Variants in LUZP2 observed in about 807,000 individuals in gnomAD.
LUZP2 encodes leucine zipper protein 2.
Under a neutral mutation model 51.6 loss-of-function variants are expected in LUZP2, and 52 were observed. That is an observed-to-expected ratio of 1.01 (90% CI 0.81 to 1.27). The LOEUF (loss-of-function observed/expected upper bound fraction) is 1.27. Ranked by LOEUF, LUZP2 falls within the 50% of genes most tolerant of loss-of-function variation. The pLI is 0.00. For synonymous variants in LUZP2, 154 were observed against 137.3 expected (o/e 1.12, Z -0.85); for missense variants, 436 against 395.4 (o/e 1.10, Z -0.87).
intron 1 of LUZP2, among the ~76,000 whole-genome samples, chr11:24,623,942 TATG>T (rs1854592793): frequency 6.6e-6 from 1 of 152,226 alleles, no homozygotes; most frequent in African/African-American, 2.4e-5. Flanking sequence ...TTTGCCTCTA[TATG>T]ATGATAGAGA....
rs1427184333 is a variant in LUZP2 at position 24,933,441 on chromosome 11, A to C, written c.522+18903A>C. Among the ~76,000 whole-genome samples, 3 of 152,352 alleles carry C rather than the reference A, an allele frequency of 2.0e-5. 1 individual carries two copies. The East Asian group carries it at 5.8e-4, about 29-fold the overall frequency. ...TTTAAAGTAACTTATTTATGACTAC[A>C]AAACTTCAATATAAGTCTCCTGACC... On this transcript the variant is annotated intron_variant, in intron 7 of 11. Transcript: ENST00000336930.
chr11:24,663,222 G>T lies in LUZP2; in HGVS notation c.63-65947G>T, dbSNP rs572918689. On this transcript the variant is annotated intron_variant, in intron 1 of 11. Transcript: ENST00000336930. ...CTGGTGGGAGGGGATTAGATCATGGGGGCAAATTTTCCCCTTGATGTTCTT... is the reference window on the plus strand; with the variant it reads ...CTGGTGGGAGGGGATTAGATCATGGTGGCAAATTTTCCCCTTGATGTTCTT... Among the ~76,000 whole-genome samples, 238 of 152,164 alleles carry T rather than the reference G, an allele frequency of 1.6e-3. 1 individual carries two copies. The highest frequency in any genetic ancestry group is 2.9e-3 in the Non-Finnish European group (197 of 67,998).
chr11:24,876,500 G>A (rs1290210956), intron 5 of LUZP2, among the ~76,000 whole-genome samples: 1 of 147,376 alleles, frequency 6.8e-6, no homozygotes, highest in Non-Finnish European at 1.5e-5. Flanking sequence ...GGTTACTGTA[G>A]CCTTGTAGTA....
intron 1 of LUZP2, among the ~76,000 whole-genome samples, chr11:24,704,638 A>T (rs924169599): frequency 2.6e-5 from 4 of 152,100 alleles, no homozygotes; most frequent in Non-Finnish European, 4.4e-5. Flanking sequence ...GAGAACTTAA[A>T]TAAGTGCTCC....
chr11:24,843,472 T>C (rs1264696332), intron 5 of LUZP2, among the ~76,000 whole-genome samples: 2 of 152,124 alleles, frequency 1.3e-5, no homozygotes, highest in Non-Finnish European at 2.9e-5. Context: ...AACAAAATAA[T>C]GTGAGCAAAA....
At chr11:24,641,998 T>G (rs1283588285) in intron 1 of LUZP2, among the ~76,000 whole-genome samples, 1 of 151,840 alleles carries the variant, frequency 6.6e-6, no homozygotes, top group African/African-American at 2.4e-5. Flanking sequence ...CAAGCGATTC[T>G]CCTGCCTCAG....
At position 24,983,196 on chromosome 11, in the gene LUZP2, C is replaced by T. The variant is rs768991269; in HGVS notation, c.668C>T (p.Pro223Leu). ...ACATCTGTTTTCCGTGATCAGCCTC[C>T]TCCCCCTTTGAGTTTAATCACATCA... ...CLTSVFRDQP[P>L]PPLSLITSNP... The change falls in exon 9 of 12, where the codon CCT (proline) becomes CTT (leucine). Residue 223 changes from proline (P) to leucine (L), a missense_variant. Transcript: ENST00000336930. 1.4e-5 allele frequency: 22 copies of T among 1,612,190 alleles called. No homozygotes were observed. The Middle Eastern group carries it at 6.6e-4, about 48-fold the overall frequency.
chr11:24,762,010 A>G (rs1859998148), intron 4 of LUZP2, among the ~76,000 whole-genome samples: 2 of 152,010 alleles, frequency 1.3e-5, no homozygotes, highest in Admixed American at 1.3e-4. Flanking sequence ...ATAATAATAT[A>G]TTACTTATAA....
intron 1 of LUZP2, among the ~76,000 whole-genome samples, chr11:24,529,983 A>G (rs1850943782): frequency 6.6e-6 from 1 of 151,004 alleles, no homozygotes; most frequent in Non-Finnish European, 1.5e-5. Flanking sequence ...CCCTGAAAAG[A>G]AAATAAACAC....
chr11:24,873,029 C>A (rs994395959), intron 5 of LUZP2, among the ~76,000 whole-genome samples: 4 of 152,132 alleles, frequency 2.6e-5, no homozygotes, highest in Non-Finnish European at 5.9e-5. Context: ...AAAATTTTCT[C>A]TTGTTCTTGT....
chr11:25,003,296 C>A (rs771859543), intron 9 of LUZP2, among the ~76,000 whole-genome samples: 8 of 152,188 alleles, frequency 5.3e-5, no homozygotes, highest in Non-Finnish European at 1.2e-4. Context: ...ACCCTTGGGG[C>A]AAGATGGTCC....
chr11:24,606,382 G>A (rs533547106), intron 1 of LUZP2, among the ~76,000 whole-genome samples: 1 of 152,104 alleles, frequency 6.6e-6, no homozygotes, highest in Admixed American at 6.6e-5. Context: ...AGTAGGCTAT[G>A]CTAAGCTATG....
chr11:24,696,594 T>G (rs1312241232), intron 1 of LUZP2, among the ~76,000 whole-genome samples: 1 of 152,018 alleles, frequency 6.6e-6, no homozygotes, highest in African/African-American at 2.4e-5. Flanking sequence ...AAAATTACTG[T>G]GCATCTGCTA....
chr11:24,639,195 G>T (rs2133941719), intron 1 of LUZP2, among the ~76,000 whole-genome samples: 1 of 151,622 alleles, frequency 6.6e-6, no homozygotes, highest in South Asian at 2.1e-4. Context: ...GAATCATTTT[G>T]TTTCTCTATT....
At chr11:24,502,577 G>T (rs1850029443) in intron 1 of LUZP2, among the ~76,000 whole-genome samples, 1 of 151,860 alleles carries the variant, frequency 6.6e-6, no homozygotes, top group Non-Finnish European at 1.5e-5. Flanking sequence ...GTGAAGATGG[G>T]GCTTCACCAT....
chr11:25,050,167 C>A, intron 10 of LUZP2, 37 bp downstream of exon 10: 2 of 1,322,872 alleles, frequency 1.5e-6, no homozygotes, highest in Non-Finnish European at 2.1e-6. Flanking sequence ...CAGTATTAGA[C>A]AGGAGAAAAA....
intron 5 of LUZP2, among the ~76,000 whole-genome samples, chr11:24,840,054 T>A (rs184522960): frequency 2.6e-5 from 4 of 151,840 alleles, no homozygotes; most frequent in Admixed American, 1.3e-4. Flanking sequence ...TAATACAAAA[T>A]TTTTTAAATT....
chr11:24,610,865 A>G lies in LUZP2; in HGVS notation c.62+113560A>G, dbSNP rs192959805. 3.2e-3 allele frequency among the ~76,000 whole-genome samples: 487 copies of G among 152,258 alleles called. 4 individuals are homozygous for G. The highest frequency in any genetic ancestry group is 0.01 in the African/African-American group (426 of 41,548). ...GAGACTGAGGCACAAGAATCATTTG[A>G]ACCCAGGAGGCGAAGGTTGCAGTGA... On this transcript the variant is annotated intron_variant, in intron 1 of 11. Transcript: ENST00000336930.
At chr11:24,943,877 CAAAAAAA>C (rs33998362) in intron 7 of LUZP2, among the ~76,000 whole-genome samples, 4 of 103,348 alleles carry the variant, frequency 3.9e-5, no homozygotes, top group Non-Finnish European at 6.3e-5. Context: ...GACTCCATCT[CAAAAAAA>C]AAAAAAAAAA....
Sources: allele counts gnomAD v4.1 joint callset (sites outside exome capture counted in the v4.1 genomes callset), GRCh38; gene constraint gnomAD v4.1.1; transcripts MANE v1.5; gene names NCBI Gene and HGNC (gene_info 2026-07-23, HGNC 2026-07-21).